Variants in FARS2 observed in about 807,000 individuals in gnomAD.
The protein encoded by FARS2 is phenylalanine--tRNA ligase, mitochondrial.
FARS2 carries 40 observed loss-of-function variants against 46.4 expected under a neutral mutation model. The ratio of observed to expected loss-of-function variants is 0.86; its 90% confidence interval spans 0.67 to 1.12. The LOEUF (loss-of-function observed/expected upper bound fraction) is 1.12. Among genes scored for constraint, FARS2 ranks in the 50% most tolerant of loss-of-function variants. The pLI is 0.00. For synonymous variants in FARS2, 234 were observed against 214.9 expected, an observed-to-expected ratio of 1.09 and a Z score of -0.78; for missense variants, 513 against 567.9, an observed-to-expected ratio of 0.90 and a Z score of 0.98.
chr6:5,366,913 A>G (rs980384996), intron 1 of FARS2, among the ~76,000 whole-genome samples: 1 of 152,226 alleles, frequency 6.6e-6, no homozygotes, highest in African/African-American at 2.4e-5. Context: ...CTGCAGTGAC[A>G]AGTCACTGAA....
chr6:5,432,190 C>CCTATA (rs1763208199), intron 4 of FARS2, among the ~76,000 whole-genome samples: 1 of 147,560 alleles, frequency 6.8e-6, no homozygotes, highest in Non-Finnish European at 1.5e-5. Flanking sequence ...TGGTGGTGCG[C>CCTATA]CTATAATCCC....
chr6:5,648,813 C>T (rs1480861146), intron 6 of FARS2, among the ~76,000 whole-genome samples: 1 of 151,996 alleles, frequency 6.6e-6, no homozygotes, highest in African/African-American at 2.4e-5. Context: ...ACATTTGGTG[C>T]CCCTCTCCCC....
chr6:5,476,533 G>GATGA (rs70975911), intron 4 of FARS2, among the ~76,000 whole-genome samples: 42,228 of 151,328 alleles, frequency 0.28, 6,026 homozygotes, highest in South Asian at 0.32. Flanking sequence ...ATAGTTATTG[G>GATGA]ATGAATGAAT....
chr6:5,301,796 C>CACACAT (rs1393958322), intron 1 of FARS2, among the ~76,000 whole-genome samples: 6 of 128,582 alleles, frequency 4.7e-5, no homozygotes, highest in African/African-American at 1.0e-4. Context: ...CTATCTCACA[C>CACACAT]ACACATACAC....
chr6:5,262,171 G>A lies in FARS2; in HGVS notation c.-22+511G>A, dbSNP rs147950432. On this transcript the variant is annotated intron_variant, in intron 1 of 6. Transcript: ENST00000274680. ...TTTGCATTAAAATCCATCTTTCTCC[G>A]AACCACTTGGTCACGGTTGTGTTCT... Among the ~76,000 whole-genome samples, 208 of 152,304 alleles carry A rather than the reference G, an allele frequency of 1.4e-3. 1 individual carries two copies. The highest frequency in any genetic ancestry group is 4.5e-3 in the African/African-American group (188 of 41,558).
chr6:5,419,302 A>G (rs775318310), intron 3 of FARS2, among the ~76,000 whole-genome samples: 4 of 152,234 alleles, frequency 2.6e-5, no homozygotes, highest in Non-Finnish European at 5.9e-5. Flanking sequence ...CTCTTAAGAT[A>G]TCTAAAACAC....
intron 1 of FARS2, among the ~76,000 whole-genome samples, chr6:5,266,121 T>C (rs1581644587): frequency 6.6e-6 from 1 of 151,952 alleles, no homozygotes; most frequent in Admixed American, 6.6e-5. Context: ...CTACTGTAGG[T>C]GGAAGATGAC....
chr6:5,485,887 T>C (rs1413368348), intron 4 of FARS2, among the ~76,000 whole-genome samples: 1 of 152,212 alleles, frequency 6.6e-6, no homozygotes, highest in Non-Finnish European at 1.5e-5. Flanking sequence ...ACTAGCCACA[T>C]GTGGCTGGTG....
chr6:5,435,154 C>G (rs1453939917), intron 4 of FARS2, among the ~76,000 whole-genome samples: 1 of 152,188 alleles, frequency 6.6e-6, no homozygotes, highest in African/African-American at 2.4e-5. Flanking sequence ...AAGCTATGCT[C>G]CCCAAATAGT....
chr6:5,412,160 G>A (rs932921354), intron 3 of FARS2, among the ~76,000 whole-genome samples: 1 of 152,156 alleles, frequency 6.6e-6, no homozygotes, highest in African/African-American at 2.4e-5. Context: ...CATGCCCTCC[G>A]AGGGTCCAGG....
chr6:5,459,352 CT>C (rs1245043880), intron 4 of FARS2, among the ~76,000 whole-genome samples: 11 of 150,164 alleles, frequency 7.3e-5, no homozygotes, highest in African/African-American at 2.5e-4. Flanking sequence ...TTTTCCAGAT[CT>C]TTTATCTCTA....
chr6:5,258,306 G>A (rs921796621), upstream of FARS2, among the ~76,000 whole-genome samples: 1 of 152,196 alleles, frequency 6.6e-6, no homozygotes, highest in Non-Finnish European at 1.5e-5. Flanking sequence ...ATTAAAAAAC[G>A]TTTACTAGTC....
chr6:5,602,109 G>T (rs781473308), intron 5 of FARS2, among the ~76,000 whole-genome samples: 30 of 152,162 alleles, frequency 2.0e-4, no homozygotes, highest in Non-Finnish European at 2.6e-4. Flanking sequence ...TGATTGACTA[G>T]CCTGGAAAAA....
chr6:5,258,558 G>C (rs1764788932), upstream of FARS2, among the ~76,000 whole-genome samples: 1 of 152,194 alleles, frequency 6.6e-6, no homozygotes, highest in Non-Finnish European at 1.5e-5. Flanking sequence ...TTAGAGAGGA[G>C]GGAAGGGACT....
intron 6 of FARS2, among the ~76,000 whole-genome samples, chr6:5,724,607 T>C (rs1319342593): frequency 6.6e-6 from 1 of 152,220 alleles, no homozygotes; most frequent in Admixed American, 6.5e-5. Flanking sequence ...TCCTGCAGCC[T>C]GAGCCTGGTG....
At chr6:5,416,359 C>T (rs1762238404) in intron 3 of FARS2, among the ~76,000 whole-genome samples, 1 of 152,040 alleles carries the variant, frequency 6.6e-6, no homozygotes, top group African/African-American at 2.4e-5. Flanking sequence ...TATTGATATC[C>T]AGTTGTTCCA....
At chr6:5,744,539 C>T (rs1310738093) in intron 6 of FARS2, among the ~76,000 whole-genome samples, 1 of 152,194 alleles carries the variant, frequency 6.6e-6, no homozygotes, top group Non-Finnish European at 1.5e-5. Context: ...GGGTTGCAAA[C>T]CCAGTTCTGT....
chr6:5,293,626 A>C (rs1334297227), intron 1 of FARS2, among the ~76,000 whole-genome samples: 1 of 152,224 alleles, frequency 6.6e-6, no homozygotes, highest in Non-Finnish European at 1.5e-5. Flanking sequence ...TATCATAGAT[A>C]TTCACTTTTA....
intron 1 of FARS2, among the ~76,000 whole-genome samples, chr6:5,280,650 G>T (rs1581681094): frequency 6.7e-6 from 1 of 149,452 alleles, no homozygotes. Context: ...TTTTAATCTT[G>T]ATTTAAAGTT....
Sources: gnomAD v4.1 joint callset for allele counts (sites outside exome capture counted in the v4.1 genomes callset) on GRCh38, gnomAD v4.1.1 for gene constraint, MANE v1.5 for transcripts, NCBI Gene and HGNC (gene_info 2026-07-23, HGNC 2026-07-21) for gene names.